CEP112: variants seen among roughly 807,000 people sequenced by gnomAD.
CEP112 encodes the protein centrosomal protein 112, also known as centrosomal protein of 112 kDa.
In CEP112, 127 loss-of-function variants were observed where a neutral mutation model predicts 153.0. The observed-to-expected ratio is 0.83, with a 90% confidence interval of 0.72 to 0.96. CEP112 has a LOEUF of 0.96. Ranked by LOEUF, CEP112 falls within the 40% of genes least tolerant of loss-of-function variation. CEP112 has a pLI of 0.00. For missense variants in CEP112, 1,089 were observed against 1,101.2 expected, an observed-to-expected ratio of 0.99 and a Z score of 0.16; for synonymous variants, 358 against 374.4, an observed-to-expected ratio of 0.96 and a Z score of 0.51.
At chr17:65,725,690 A>T (rs974542006) in intron 23 of CEP112, among the ~76,000 whole-genome samples, 1 of 152,208 alleles carries the variant, frequency 6.6e-6, no homozygotes, top group Non-Finnish European at 1.5e-5. Flanking sequence ...ACAGTTCCAC[A>T]TGGCTGGGGA....
intron 24 of CEP112, among the ~76,000 whole-genome samples, chr17:65,669,602 C>T (rs565428582): frequency 6.6e-6 from 1 of 152,096 alleles, no homozygotes; most frequent in Admixed American, 6.5e-5. Context: ...TGAGAAGCTG[C>T]TGTCTAAAAA....
intron 19 of CEP112, among the ~76,000 whole-genome samples, chr17:65,918,279 T>C (rs1444424442): frequency 6.6e-6 from 1 of 152,180 alleles, no homozygotes; most frequent in Non-Finnish European, 1.5e-5. Flanking sequence ...AGGACAAGGA[T>C]TGGGAATCAC....
rs138384041 is a variant in CEP112 at position 65,722,848 on chromosome 17, A to G, written c.2607+20220T>C. 3.3e-3 allele frequency among the ~76,000 whole-genome samples: 497 copies of G among 152,362 alleles called. 3 individuals carry two copies. The highest frequency in any genetic ancestry group is 5.0e-3 in the Non-Finnish European group (343 of 68,032). Reference sequence around the variant, plus strand: ...GCATAGGATCTGAAAGACAAGTCTGATATTTGAAGTGATCGGAGCTCAGGA... The same window carrying G: ...GCATAGGATCTGAAAGACAAGTCTGGTATTTGAAGTGATCGGAGCTCAGGA... On this transcript the variant is annotated intron_variant, in intron 23 of 26. Transcript: ENST00000535342.
chr17:66,051,541 T>C (rs939258677), intron 12 of CEP112, among the ~76,000 whole-genome samples: 2 of 152,116 alleles, frequency 1.3e-5, no homozygotes, highest in African/African-American at 4.8e-5. Flanking sequence ...GAGTTGGAAT[T>C]TGAACCCACA....
chr17:65,935,055 C>T (rs1216206550), intron 18 of CEP112, among the ~76,000 whole-genome samples: 1 of 152,166 alleles, frequency 6.6e-6, no homozygotes, highest in Non-Finnish European at 1.5e-5. Flanking sequence ...TTACCTCTAC[C>T]TGGTCCCACA....
At chr17:66,034,920 T>C (rs1345615334) in intron 12 of CEP112, among the ~76,000 whole-genome samples, 1 of 148,188 alleles carries the variant, frequency 6.7e-6, no homozygotes, top group African/African-American at 2.5e-5. Context: ...TGCTTCAGTC[T>C]CCCAAGTAGC....
intron 6 of CEP112, among the ~76,000 whole-genome samples, chr17:66,102,784 G>A (rs1303268750): frequency 9.1e-5 from 12 of 132,514 alleles, no homozygotes; most frequent in East Asian, 6.2e-4. Context: ...GTAACAGAGC[G>A]AGACTCCATC....
intron 1 of CEP112, among the ~76,000 whole-genome samples, chr17:66,187,672 C>A (rs758238394): frequency 6.6e-6 from 1 of 152,192 alleles, no homozygotes; most frequent in Non-Finnish European, 1.5e-5. Context: ...ACTTTTCACA[C>A]TCGCATAGTG....
intron 8 of CEP112, among the ~76,000 whole-genome samples, chr17:66,076,624 C>T (rs1326037223): frequency 6.6e-6 from 1 of 152,146 alleles, no homozygotes; most frequent in African/African-American, 2.4e-5. Flanking sequence ...CCTATCCACA[C>T]TGGTAGCTGA....
At chr17:65,768,796 G>A (rs984142894) in intron 21 of CEP112, among the ~76,000 whole-genome samples, 1 of 151,988 alleles carries the variant, frequency 6.6e-6, no homozygotes, top group African/African-American at 2.4e-5. Flanking sequence ...ACATAATAAA[G>A]CCTATTTGAG....
chr17:65,756,826 C>A (rs1304728386), intron 21 of CEP112, among the ~76,000 whole-genome samples: 3 of 152,156 alleles, frequency 2.0e-5, no homozygotes, highest in East Asian at 1.9e-4. Context: ...AGGAAAAAAA[C>A]CAGATGATGC....
rs76179135 is a variant in CEP112 at position 65,902,624 on chromosome 17, T to A, written c.1981-290A>T. On this transcript the variant is annotated intron_variant, in intron 19 of 26. Transcript: ENST00000535342. ...TGCTAGTCACTTCCTCCCCAAGAAT[T>A]CGGGTATTACTGATCAGCAATGGTT... is the stretch of plus-strand genomic sequence containing the variant. Among the ~76,000 whole-genome samples, 8 of 151,848 alleles carry A rather than the reference T, an allele frequency of 5.3e-5. No individual in the cohort carries two copies. In the East Asian group the frequency reaches 1.4e-3, roughly 26 times the overall value.
At chr17:65,722,745 G>A (rs1259722502) in intron 23 of CEP112, among the ~76,000 whole-genome samples, 1 of 152,232 alleles carries the variant, frequency 6.6e-6, no homozygotes, top group Non-Finnish European at 1.5e-5. Flanking sequence ...TGAGAACAGA[G>A]TGATGGTGAG....
intron 8 of CEP112, among the ~76,000 whole-genome samples, chr17:66,094,248 T>C (rs918338653): frequency 6.6e-6 from 1 of 151,910 alleles, no homozygotes; most frequent in African/African-American, 2.4e-5. Flanking sequence ...TTAGTAGGGA[T>C]GGGGTTTCAC....
intron 17 of CEP112, among the ~76,000 whole-genome samples, chr17:65,988,953 G>C (rs1598024100): frequency 6.6e-6 from 1 of 152,054 alleles, no homozygotes; most frequent in Non-Finnish European, 1.5e-5. Flanking sequence ...GGCCAGACGT[G>C]GTGGCTCACG....
intron 18 of CEP112, among the ~76,000 whole-genome samples, chr17:65,942,300 C>G (rs925692090): frequency 1.3e-5 from 2 of 152,132 alleles, no homozygotes; most frequent in Non-Finnish European, 2.9e-5. Context: ...GTTTCATCCC[C>G]AAACCATCCT....
chr17:66,066,637 T>C, intron 10 of CEP112, 141 bp downstream of exon 10: 1 of 521,986 alleles, frequency 1.9e-6, no homozygotes, highest in Non-Finnish European at 3.2e-6. Flanking sequence ...TGGAAGCCTA[T>C]ATAAATATAT....
At chr17:65,821,536 ATATATTTTTTTTT>A (rs2056575011) in intron 21 of CEP112, among the ~76,000 whole-genome samples, 1 of 36,078 alleles carries the variant, frequency 2.8e-5, no homozygotes, top group African/African-American at 1.2e-4. Flanking sequence ...ATATATATAT[ATATATTTTTTTTT>A]TTTTTTTTTT....
intron 24 of CEP112, among the ~76,000 whole-genome samples, chr17:65,669,727 C>G (rs1165482682): frequency 1.3e-5 from 2 of 152,016 alleles, no homozygotes; most frequent in Non-Finnish European, 2.9e-5. Flanking sequence ...CACGGTGAAA[C>G]CCTGTCTCTA....
Sources: allele counts gnomAD v4.1 joint callset (sites outside exome capture counted in the v4.1 genomes callset), GRCh38; gene constraint gnomAD v4.1.1; transcripts MANE v1.5; gene names NCBI Gene and HGNC (gene_info 2026-07-23, HGNC 2026-07-21).